RREB1: variants seen among roughly 807,000 people sequenced by gnomAD.
RREB1 encodes ras responsive element binding protein 1, also known as ras-responsive element-binding protein 1.
In RREB1, 27 loss-of-function variants were observed where a neutral mutation model predicts 117.8. The observed-to-expected ratio is 0.23, with a 90% CI of 0.17 to 0.32. The LOEUF (loss-of-function observed/expected upper bound fraction) is 0.32, where lower values mean the gene tolerates loss of function less well. Ranked by LOEUF, RREB1 falls within the 10% of genes least tolerant of loss-of-function variation. The probability of loss-of-function intolerance (pLI) is 1.00; values close to 1 mark genes in which losing one functional copy is unlikely to be tolerated. For synonymous variants in RREB1, 1,298 were observed against 1,026.7 expected (o/e 1.26, Z -5.05); for missense variants, 2,577 against 2,378.2 (o/e 1.08, Z -1.74).
intron 1 of RREB1, among the ~76,000 whole-genome samples, chr6:7,133,603 T>G (rs1474765235): frequency 6.6e-6 from 1 of 152,078 alleles, no homozygotes. Flanking sequence ...TCATTGTACA[T>G]AATAAGAAGG....
At chr6:7,139,104 C>CCCTG in intron 1 of RREB1, 1 of 152,230 alleles carries the variant, frequency 6.6e-6, no homozygotes, top group East Asian at 1.9e-4. Flanking sequence ...CTGCCCCTTG[C>CCCTG]CCTGCCTGCC....
chr6:7,165,229 C>T (rs984187394), intron 1 of RREB1, among the ~76,000 whole-genome samples: 1 of 152,178 alleles, frequency 6.6e-6, no homozygotes, highest in South Asian at 2.1e-4. Context: ...CCCCTCTAGG[C>T]GAGCTGCAGG....
At chr6:7,231,989 C>A in intron 10 of RREB1, 82 bp downstream of exon 10, 1 of 1,357,740 alleles carries the variant, frequency 7.4e-7, no homozygotes, top group Non-Finnish European at 1.0e-6. Context: ...AAGCGAGACC[C>A]ATCTCCCACA....
chr6:7,245,910 A>G (rs1363831391), intron 11 of RREB1, among the ~76,000 whole-genome samples: 3 of 152,194 alleles, frequency 2.0e-5, no homozygotes, highest in African/African-American at 7.2e-5. Context: ...TACCATACAC[A>G]CACAACGCAG....
At chr6:7,246,147 G>A (rs1769002304) in intron 11 of RREB1, among the ~76,000 whole-genome samples, 1 of 152,190 alleles carries the variant, frequency 6.6e-6, no homozygotes, top group Admixed American at 6.5e-5. Flanking sequence ...CTTCCTGGGG[G>A]CGGGGGCAGT....
intron 1 of RREB1, among the ~76,000 whole-genome samples, chr6:7,163,852 A>G (rs1763792133): frequency 6.6e-6 from 1 of 152,252 alleles, no homozygotes; most frequent in Non-Finnish European, 1.5e-5. Flanking sequence ...AGTGAGCATG[A>G]TAGATGCCAT....
At chr6:7,227,187 A>AG (rs888407510) in intron 9 of RREB1, among the ~76,000 whole-genome samples, 1 of 151,954 alleles carries the variant, frequency 6.6e-6, no homozygotes, top group African/African-American at 2.4e-5. Flanking sequence ...GGCTGCATTG[A>AG]GCCATGATCG....
chr6:7,211,955 T>G, intron 8 of RREB1: 1 of 504,854 alleles, frequency 2.0e-6, no homozygotes, highest in South Asian at 2.5e-5. Flanking sequence ...GCCCCTTGAG[T>G]AGTCACCAGT....
At chr6:7,239,682 G>C (rs1561804499) in intron 10 of RREB1, among the ~76,000 whole-genome samples, 1 of 152,260 alleles carries the variant, frequency 6.6e-6, no homozygotes, top group Non-Finnish European at 1.5e-5. Context: ...CATCTGTTGA[G>C]TGGAGCACAT....
At chr6:7,207,379 C>T (rs557401288) in intron 6 of RREB1, among the ~76,000 whole-genome samples, 63 of 152,260 alleles carry the variant, frequency 4.1e-4, no homozygotes, top group East Asian at 1.3e-3. Context: ...ACACCAACAC[C>T]GCATATTGTT....
At position 7,170,492 on chromosome 6, in the gene RREB1, AGGAGCTTTTCGG is replaced by A. The variant is rs1180089505; in HGVS notation, c.-284-6161_-284-6150del. ...TGGAGGTGATCCACAACCACCTCCA[AGGAGCTTTTCGG>A]GAAGTACCACAGGCTTGGCAACTGC... On this transcript the variant is annotated intron_variant, in intron 1 of 12. Transcript: ENST00000379938. 3.3e-5 allele frequency among the ~76,000 whole-genome samples: 5 copies of A among 152,172 alleles called. No individual in the cohort carries two copies. In the East Asian group the frequency reaches 7.7e-4, roughly 23 times the overall value.
chr6:7,226,918 G>T (rs994786809), intron 9 of RREB1, among the ~76,000 whole-genome samples: 2 of 152,124 alleles, frequency 1.3e-5, no homozygotes, highest in African/African-American at 4.8e-5. Flanking sequence ...TGTGCCTTTT[G>T]TCCGTTCTTG....
chr6:7,232,986 C>T (rs1768096097), intron 10 of RREB1, among the ~76,000 whole-genome samples: 1 of 152,126 alleles, frequency 6.6e-6, no homozygotes, highest in Admixed American at 6.5e-5. Flanking sequence ...CCTCTGCCTC[C>T]CTGGTTCAAG....
intron 1 of RREB1, among the ~76,000 whole-genome samples, chr6:7,130,909 CTGA>C (rs1762129331): frequency 2.7e-5 from 4 of 146,800 alleles, no homozygotes; most frequent in Non-Finnish European, 1.5e-5. Flanking sequence ...GCCACTGCTC[CTGA>C]CTGTTAATAG....
At chr6:7,155,696 C>T (rs879621186) in intron 1 of RREB1, among the ~76,000 whole-genome samples, 4 of 152,230 alleles carry the variant, frequency 2.6e-5, no homozygotes, top group Non-Finnish European at 4.4e-5. Context: ...TTGGGAAATC[C>T]AGATAGAGTT....
intron 6 of RREB1, among the ~76,000 whole-genome samples, chr6:7,196,325 A>C (rs947359665): frequency 6.9e-6 from 1 of 144,332 alleles, no homozygotes; most frequent in African/African-American, 2.6e-5. Context: ...GCTGATATTG[A>C]GGTGCCTTTA....
rs1769284468 is a variant in RREB1 at position 7,249,040 on chromosome 6, G to A, written c.*72G>A. 1 of 1,171,544 alleles carries A rather than the reference G, an allele frequency of 8.5e-7. No individual in the cohort carries two copies. Among genetic ancestry groups the A allele is most frequent in the South Asian group, 1.6e-5 (1 of 61,364 alleles). The allele number at this position is 1,171,544 out of a possible 1,614,324, so 72.6% of individuals were successfully genotyped here. A position where few individuals can be genotyped will look rare whatever the true frequency, so the allele number is the denominator to read the frequency against. On this transcript the variant is annotated 3_prime_UTR_variant, in exon 13 of 13. Transcript: ENST00000379938. Reference sequence around the variant, plus strand: ...GTCTATACTTCATGGGGTTTCCTCAGTGCCCTTTGGCTGTTGAGGAGTGAG... The same window carrying A: ...GTCTATACTTCATGGGGTTTCCTCAATGCCCTTTGGCTGTTGAGGAGTGAG...
rs142520717 is a variant in RREB1 at position 7,230,768 on chromosome 6, G to A, written c.2669G>A (p.Ser890Asn). 2.5e-6 allele frequency: 4 copies of A among 1,612,264 alleles called. No homozygotes were observed. The highest frequency in any genetic ancestry group is 3.4e-6 in the Non-Finnish European group (4 of 1,178,872). Reference protein sequence around the residue: ...PHVSIKLEPASSFAVDFNEPL... With the variant: ...PHVSIKLEPANSFAVDFNEPL... ...GTCTCGATCAAGTTGGAGCCCGCCA[G>A]TAGCTTTGCGGTGGACTTCAATGAG... Residue 890 changes from serine (S) to asparagine (N), a missense_variant, in exon 10 of 13, where the codon AGT becomes AAT. Coordinates refer to ENST00000379938, the MANE Select transcript of RREB1 (RefSeq NM_001003699.4).
In RREB1 at chr6:7,230,457, C is replaced by T. The variant is rs750780730; in HGVS notation, c.2358C>T (p.Gly786=). 1.4e-5 allele frequency: 23 copies of T among 1,593,584 alleles called. No individual in the cohort carries two copies. The Admixed American group carries it at 3.7e-4, about 26-fold the overall frequency. The change falls in exon 10 of 13, where the codon GGC becomes GGT. Residue 786 remains glycine (G), a synonymous_variant. Transcript: ENST00000379938. ...CGRGLGGGHK[G]RKPFECKECS... ...GCGGCCTGGGCGGGGGCCACAAGGGCCGCAAGCCCTTCGAGTGCAAGGAGT... is the reference window on the plus strand; with the variant it reads ...GCGGCCTGGGCGGGGGCCACAAGGGTCGCAAGCCCTTCGAGTGCAAGGAGT...
Sources: allele counts gnomAD v4.1 joint callset (sites outside exome capture counted in the v4.1 genomes callset), GRCh38; gene constraint gnomAD v4.1.1; transcripts MANE v1.5; gene names NCBI Gene and HGNC (gene_info 2026-07-23, HGNC 2026-07-21).